Variants in MSI2 observed in about 807,000 individuals in gnomAD.
MSI2 encodes the protein musashi RNA binding protein 2, also known as RNA-binding protein Musashi homolog 2.
Under a neutral mutation model 45.6 loss-of-function variants are expected in MSI2, and 17 were observed. The observed-to-expected ratio is 0.37, with a 90% CI of 0.26 to 0.56. MSI2 has a LOEUF of 0.56. MSI2 is among the 20% of genes least tolerant of loss of function. The pLI, the probability that MSI2 is intolerant of heterozygous loss-of-function variation, is 0.77. For synonymous variants in MSI2, 156 were observed against 158.2 expected (o/e 0.99, Z 0.11); for missense variants, 293 against 444.2 (o/e 0.66, Z 3.06).
rs1215833647 is a variant in MSI2 at position 57,358,276 on chromosome 17, A to AT, written c.313-43097dup. Among the ~76,000 whole-genome samples the AT allele has an allele frequency of 5.3e-5, 8 of 151,598 alleles. No homozygotes were observed. In the East Asian group the frequency reaches 9.7e-4, roughly 18 times the overall value. On this transcript the variant is annotated intron_variant, in intron 5 of 13. Coordinates refer to ENST00000284073, the MANE Select transcript of MSI2 (RefSeq NM_138962.4). The stretch of plus-strand genomic sequence containing the variant: ...TAAAACCAGAATGACTCCTTCAGGC[A>AT]TTTTTTCTCCTGGGTGGTTGCATTC...
intron 7 of MSI2, among the ~76,000 whole-genome samples, chr17:57,574,901 G>A (rs1438272712): frequency 6.8e-6 from 1 of 146,060 alleles, no homozygotes; most frequent in Non-Finnish European, 1.5e-5. Context: ...CACGATCTCA[G>A]CTCACTGCAA....
At chr17:57,329,768 C>G (rs2143719921) in intron 5 of MSI2, among the ~76,000 whole-genome samples, 1 of 152,312 alleles carries the variant, frequency 6.6e-6, no homozygotes, top group East Asian at 1.9e-4. Flanking sequence ...ATAATCAAAT[C>G]AGAACCCCTG....
intron 7 of MSI2, among the ~76,000 whole-genome samples, chr17:57,559,247 A>G (rs2087515736): frequency 6.6e-6 from 1 of 152,206 alleles, no homozygotes; most frequent in South Asian, 2.1e-4. Context: ...AAACACGCCC[A>G]TGTGAGGACA....
At chr17:57,371,244 T>G (rs564961161) in intron 5 of MSI2, among the ~76,000 whole-genome samples, 126 of 152,310 alleles carry the variant, frequency 8.3e-4, no homozygotes, top group African/African-American at 3.0e-3. Flanking sequence ...ATTCAGCCAG[T>G]TGATGGGGTA....
At chr17:57,438,800 ATTTT>A (rs374684092) in intron 6 of MSI2, among the ~76,000 whole-genome samples, 1 of 145,018 alleles carries the variant, frequency 6.9e-6, no homozygotes, top group African/African-American at 2.5e-5. Context: ...TCCCATAGGA[ATTTT>A]TTTTTTTTTT....
At chr17:57,388,214 C>T (rs531983223) in intron 5 of MSI2, among the ~76,000 whole-genome samples, 79 of 152,360 alleles carry the variant, frequency 5.2e-4, no homozygotes, top group African/African-American at 1.9e-3. Flanking sequence ...TGGCCTCTCT[C>T]TTTTACTACA....
intron 6 of MSI2, among the ~76,000 whole-genome samples, chr17:57,493,156 G>A (rs2085909581): frequency 6.6e-6 from 1 of 152,200 alleles, no homozygotes; most frequent in Non-Finnish European, 1.5e-5. Flanking sequence ...CTAAAGGACA[G>A]GTGGGCACCT....
chr17:57,506,834 G>A lies in MSI2; in HGVS notation c.406-22842G>A, dbSNP rs1029637052. Reference sequence around the variant, plus strand: ...AGGGTTAGACAGGGCGTCTTGGGAGGGGAAGGACTTAAATCTCATGAAGAC... The same window carrying A: ...AGGGTTAGACAGGGCGTCTTGGGAGAGGAAGGACTTAAATCTCATGAAGAC... On this transcript the variant is annotated intron_variant, in intron 6 of 13. Transcript: ENST00000284073. Among the ~76,000 whole-genome samples, 3 of 152,156 alleles carry A rather than the reference G, an allele frequency of 2.0e-5. 1 individual carries two copies. The highest frequency in any genetic ancestry group is 3.8e-4 in the East Asian group (2 of 5,206).
intron 7 of MSI2, among the ~76,000 whole-genome samples, chr17:57,576,188 C>T (rs185162848): frequency 2.1e-4 from 32 of 152,292 alleles, no homozygotes; most frequent in Non-Finnish European, 4.1e-4. Flanking sequence ...TTATCAGGGG[C>T]TGAGGATATG....
chr17:57,300,417 T>A (rs1379380445), intron 5 of MSI2, among the ~76,000 whole-genome samples: 1 of 152,228 alleles, frequency 6.6e-6, no homozygotes, highest in Non-Finnish European at 1.5e-5. Flanking sequence ...TCCGTAGGGC[T>A]GCCTCCTTGC....
chr17:57,490,137 T>TG (rs1263793873), intron 6 of MSI2, among the ~76,000 whole-genome samples: 1 of 152,170 alleles, frequency 6.6e-6, no homozygotes, highest in African/African-American at 2.4e-5. Context: ...ATCTATAAAA[T>TG]GGGGATCATC....
intron 7 of MSI2, among the ~76,000 whole-genome samples, chr17:57,556,562 G>A (rs2087440271): frequency 1.3e-5 from 2 of 152,200 alleles, no homozygotes; most frequent in African/African-American, 2.4e-5. Context: ...ACAGCCTCCT[G>A]TCACTGGACT....
chr17:57,458,598 C>T (rs934354908), intron 6 of MSI2, among the ~76,000 whole-genome samples: 12 of 152,208 alleles, frequency 7.9e-5, no homozygotes, highest in Non-Finnish European at 1.0e-4. Flanking sequence ...CTGGGAACTG[C>T]TGGCTACATG....
intron 6 of MSI2, among the ~76,000 whole-genome samples, chr17:57,509,535 C>T (rs1364568643): frequency 1.3e-5 from 2 of 152,206 alleles, no homozygotes; most frequent in Non-Finnish European, 2.9e-5. Context: ...ACTCTCCTGC[C>T]TCAGCCTCCT....
At chr17:57,366,820 G>C (rs150276794) in intron 5 of MSI2, among the ~76,000 whole-genome samples, 47 of 152,196 alleles carry the variant, frequency 3.1e-4, no homozygotes, top group African/African-American at 1.1e-3. Context: ...CGTAATTTAC[G>C]GAGGCGAGGA....
chr17:57,336,458 G>A (rs922709605), intron 5 of MSI2, among the ~76,000 whole-genome samples: 1 of 151,920 alleles, frequency 6.6e-6, no homozygotes, highest in African/African-American at 2.4e-5. Flanking sequence ...CTTTTTTCGG[G>A]GTAATACAGG....
chr17:57,266,744 G>A (rs1907827457), intron 5 of MSI2: 1 of 150,606 alleles, frequency 6.6e-6, no homozygotes, highest in African/African-American at 2.4e-5. Flanking sequence ...AGCTCCCTGA[G>A]GGCAGGGAAC....
chr17:57,422,464 A>C (rs897408187), intron 6 of MSI2, among the ~76,000 whole-genome samples: 1 of 152,206 alleles, frequency 6.6e-6, no homozygotes, highest in Non-Finnish European at 1.5e-5. Flanking sequence ...AGCCTCAAAA[A>C]AAAAGATAAA....
chr17:57,666,994 A>G (rs1912415609), intron 11 of MSI2, among the ~76,000 whole-genome samples: 2 of 152,210 alleles, frequency 1.3e-5, no homozygotes, highest in Non-Finnish European at 2.9e-5. Flanking sequence ...TCCGGGCAGC[A>G]AGCTCCCTGT....
Sources: allele counts gnomAD v4.1 joint callset (sites outside exome capture counted in the v4.1 genomes callset), GRCh38; gene constraint gnomAD v4.1.1; transcripts MANE v1.5; gene names NCBI Gene and HGNC (gene_info 2026-07-23, HGNC 2026-07-21).